CCBE1: variants seen among roughly 807,000 people sequenced by gnomAD.
The protein encoded by CCBE1 is collagen and calcium binding EGF domains 1, also known as collagen and calcium-binding EGF domain-containing protein 1.
In CCBE1, 37 loss-of-function variants were observed where a neutral mutation model predicts 50.0. That is an observed-to-expected ratio of 0.74 (90% CI 0.57 to 0.97). The LOEUF (loss-of-function observed/expected upper bound fraction) is 0.97, where lower values mean the gene tolerates loss of function less well. Ranked by LOEUF, CCBE1 falls within the 50% of genes least tolerant of loss-of-function variation. The pLI, the probability that CCBE1 is intolerant of heterozygous loss-of-function variation, is 0.00. For synonymous variants in CCBE1, 234 were observed against 203.7 expected (o/e 1.15, Z -1.27); for missense variants, 538 against 523.8 (o/e 1.03, Z -0.26).
At chr18:59,649,698 T>C (rs2054102401) in intron 2 of CCBE1, among the ~76,000 whole-genome samples, 1 of 150,490 alleles carries the variant, frequency 6.6e-6, no homozygotes, top group South Asian at 2.1e-4. Flanking sequence ...CAGGCTGCTG[T>C]TGGACTGTAA....
intron 2 of CCBE1, among the ~76,000 whole-genome samples, chr18:59,504,891 TC>T (rs777745942): frequency 1.9e-4 from 29 of 152,228 alleles, no homozygotes; most frequent in Admixed American, 5.9e-4. Context: ...CCATTTGGCC[TC>T]ATGAAGGTCA....
chr18:59,517,054 G>C (rs990876927), intron 2 of CCBE1, among the ~76,000 whole-genome samples: 2 of 152,268 alleles, frequency 1.3e-5, no homozygotes, highest in Middle Eastern at 3.4e-3. Context: ...ACACAATATA[G>C]AAGCATGGAA....
chr18:59,552,199 G>A (rs1300609383), intron 2 of CCBE1, among the ~76,000 whole-genome samples: 1 of 152,164 alleles, frequency 6.6e-6, no homozygotes, highest in Non-Finnish European at 1.5e-5. Flanking sequence ...TGTGGCTCAG[G>A]CCCTGGACCT....
intron 2 of CCBE1, among the ~76,000 whole-genome samples, chr18:59,615,279 G>T (rs1038274436): frequency 1.3e-5 from 2 of 152,212 alleles, no homozygotes; most frequent in Non-Finnish European, 2.9e-5. Flanking sequence ...CATCTCTTAG[G>T]ATCTGCAAGG....
chr18:59,517,584 G>A (rs936215977), intron 2 of CCBE1, among the ~76,000 whole-genome samples: 1 of 152,190 alleles, frequency 6.6e-6, no homozygotes, highest in East Asian at 1.9e-4. Flanking sequence ...CATTGGACCC[G>A]AAGTCATATG....
intron 2 of CCBE1, among the ~76,000 whole-genome samples, chr18:59,591,670 G>A (rs763466264): frequency 3.3e-5 from 5 of 152,280 alleles, no homozygotes; most frequent in South Asian, 2.1e-4. Context: ...TGCTGAGGCT[G>A]TAGAGAAACA....
intron 2 of CCBE1, among the ~76,000 whole-genome samples, chr18:59,668,710 AC>A (rs2054389961): frequency 6.6e-6 from 1 of 151,970 alleles, no homozygotes; most frequent in Non-Finnish European, 1.5e-5. Flanking sequence ...AAATTTCTAG[AC>A]ATGGATTTCT....
chr18:59,531,455 C>T (rs547404875), intron 2 of CCBE1, among the ~76,000 whole-genome samples: 2 of 152,128 alleles, frequency 1.3e-5, no homozygotes, highest in South Asian at 4.2e-4. Flanking sequence ...AAAATTTTGT[C>T]CCCAGGAACA....
chr18:59,565,487 A>G (rs948182035), intron 2 of CCBE1, among the ~76,000 whole-genome samples: 9 of 152,212 alleles, frequency 5.9e-5, no homozygotes, highest in Non-Finnish European at 1.2e-4. Flanking sequence ...CACAATGTCC[A>G]TAACTCACTC....
chr18:59,483,201 C>A (rs4940879), intron 2 of CCBE1, among the ~76,000 whole-genome samples: 1 of 151,910 alleles, frequency 6.6e-6, no homozygotes, highest in Admixed American at 6.6e-5. Context: ...ATAAGGTCTT[C>A]TAAGAATTTT....
Position 59,678,135 on chromosome 18 carries a change from T to G in CCBE1, c.212+18494A>C, listed in dbSNP as rs2054532926. On this transcript the variant is annotated intron_variant, in intron 2 of 10. Coordinates refer to ENST00000439986, the MANE Select transcript of CCBE1 (RefSeq NM_133459.4). ...CAATGCTGATAAGTGTGTGCAACAG[T>G]TGATAGCTGAATTTTCTCCTACCAT... Among the ~76,000 whole-genome samples, 6 of 152,136 alleles carry G rather than the reference T, an allele frequency of 3.9e-5. No homozygotes were observed. The South Asian group carries it at 1.2e-3, about 32-fold the overall frequency.
chr18:59,498,690 A>G (rs1025900284), intron 2 of CCBE1, among the ~76,000 whole-genome samples: 4 of 152,230 alleles, frequency 2.6e-5, no homozygotes, highest in Non-Finnish European at 4.4e-5. Context: ...TTAGTGCATA[A>G]TTCATTTTCC....
chr18:59,454,797 T>A lies in CCBE1; in HGVS notation c.654+54A>T. 2.1e-6 allele frequency: 3 copies of A among 1,446,764 alleles called. No individual in the cohort carries two copies. The Admixed American group carries it at 5.0e-5, about 24-fold the overall frequency. 89.6% of individuals were successfully genotyped at this position (1,446,764 alleles called of 1,614,324 possible). On this transcript the variant is annotated intron_variant, in intron 6 of 10. Coordinates refer to ENST00000439986, the MANE Select transcript of CCBE1 (RefSeq NM_133459.4). The stretch of plus-strand genomic sequence containing the variant: ...TTGTAAATATCCTTCCACCTGGCCT[T>A]GGCCAAGCCCTCCTTCCATCAGGCA...
intron 2 of CCBE1, among the ~76,000 whole-genome samples, chr18:59,617,911 A>G (rs2053658147): frequency 6.6e-6 from 1 of 152,198 alleles, no homozygotes; most frequent in Non-Finnish European, 1.5e-5. Flanking sequence ...TGTGACTTTC[A>G]TATCATGCAG....
intron 2 of CCBE1, among the ~76,000 whole-genome samples, chr18:59,573,246 G>A (rs1599025716): frequency 7.1e-6 from 1 of 140,376 alleles, no homozygotes; most frequent in Admixed American, 7.3e-5. Flanking sequence ...GATTGTGCCA[G>A]TGCACTCCAG....
chr18:59,618,651 CTCCTGGCCTCAAGT>C (rs1045993246), intron 2 of CCBE1, among the ~76,000 whole-genome samples: 6 of 152,258 alleles, frequency 3.9e-5, no homozygotes, highest in Admixed American at 3.9e-4. Context: ...TGGTCTCAAA[CTCCTGGCCTCAAGT>C]GATCCACCCA....
chr18:59,682,095 G>A (rs2054597280), intron 2 of CCBE1, among the ~76,000 whole-genome samples: 1 of 152,186 alleles, frequency 6.6e-6, no homozygotes, highest in Non-Finnish European at 1.5e-5. Context: ...CGGGCGCGTT[G>A]GCTCATGCCT....
At chr18:59,582,880 A>G (rs9958264) in intron 2 of CCBE1, among the ~76,000 whole-genome samples, 4,152 of 152,286 alleles carry the variant, frequency 0.027, 164 homozygotes, top group African/African-American at 0.089. Flanking sequence ...TGGCACTATC[A>G]TAGCTCACTG....
At chr18:59,487,609 A>T (rs1912884447) in intron 2 of CCBE1, among the ~76,000 whole-genome samples, 1 of 152,140 alleles carries the variant, frequency 6.6e-6, no homozygotes. Context: ...AAAACTAAAA[A>T]CAAAATCCCC....
Sources: allele counts gnomAD v4.1 joint callset (sites outside exome capture counted in the v4.1 genomes callset), GRCh38; gene constraint gnomAD v4.1.1; transcripts MANE v1.5; gene names NCBI Gene and HGNC (gene_info 2026-07-23, HGNC 2026-07-21).